CDKAL1: variants seen among roughly 807,000 people sequenced by gnomAD.
CDKAL1 encodes the protein CDKAL1 threonylcarbamoyladenosine tRNA methylthiotransferase.
A neutral mutation model predicts 68.2 loss-of-function variants in CDKAL1; 32 were observed. That is an observed-to-expected ratio of 0.47 (90% CI 0.35 to 0.63). The LOEUF (loss-of-function observed/expected upper bound fraction) is 0.63, where lower values mean the gene tolerates loss of function less well. CDKAL1 is among the 30% of genes least tolerant of loss of function. CDKAL1 has a pLI of 0.00. For missense variants in CDKAL1, 606 were observed against 696.7 expected (o/e 0.87, Z 1.47); for synonymous variants, 234 against 244.3 (o/e 0.96, Z 0.39).
At chr6:20,664,981 C>T (rs1395351274) in intron 5 of CDKAL1, among the ~76,000 whole-genome samples, 1 of 151,984 alleles carries the variant, frequency 6.6e-6, no homozygotes, top group Non-Finnish European at 1.5e-5. Context: ...TTTGAACAAC[C>T]GTGGGAGCCT....
rs190377212 is a variant in CDKAL1 at position 21,207,193 on chromosome 6, G to A, written c.1548+5919G>A. 1.9e-4 allele frequency among the ~76,000 whole-genome samples: 29 copies of A among 151,244 alleles called. No homozygotes were observed. The East Asian group carries it at 1.9e-3, about 10-fold the overall frequency. ...CTTCCAAAGTGCAGGGATTAGAGGC[G>A]TGAGGCACCACACCCGGCCTACTTT... On this transcript the variant is annotated intron_variant, in intron 15 of 15. Coordinates refer to ENST00000274695, the MANE Select transcript of CDKAL1 (RefSeq NM_017774.3).
At chr6:20,857,852 G>T (rs1473398985) in intron 9 of CDKAL1, among the ~76,000 whole-genome samples, 1 of 152,104 alleles carries the variant, frequency 6.6e-6, no homozygotes, top group African/African-American at 2.4e-5. Flanking sequence ...CCTTTCTTCA[G>T]ATTCTTTTTG....
intron 5 of CDKAL1, among the ~76,000 whole-genome samples, chr6:20,693,615 A>G (rs1277323262): frequency 1.3e-5 from 2 of 152,226 alleles, no homozygotes; most frequent in African/African-American, 2.4e-5. Flanking sequence ...ATATTAGCCA[A>G]TGCCTAGCAC....
intron 10 of CDKAL1, among the ~76,000 whole-genome samples, chr6:20,988,182 A>ATATGTGTGTGTG (rs3223730): frequency 7.3e-6 from 1 of 137,388 alleles, no homozygotes; most frequent in South Asian, 2.5e-4. Context: ...GAAACATAAT[A>ATATGTGTGTGTG]TGTGTGTGTG....
chr6:20,737,850 G>A (rs1037990368), intron 5 of CDKAL1, among the ~76,000 whole-genome samples: 4 of 152,268 alleles, frequency 2.6e-5, no homozygotes, highest in Admixed American at 6.5e-5. Flanking sequence ...TGCAGGTGCC[G>A]TTAAAATAGT....
intron 9 of CDKAL1, among the ~76,000 whole-genome samples, chr6:20,892,480 C>G (rs1280484430): frequency 6.6e-6 from 1 of 152,084 alleles, no homozygotes; most frequent in African/African-American, 2.4e-5. Context: ...GATTTTGCCT[C>G]AAAATCCTTG....
chr6:21,095,721 T>C (rs1339997509), intron 12 of CDKAL1, among the ~76,000 whole-genome samples: 1 of 151,892 alleles, frequency 6.6e-6, no homozygotes, highest in Non-Finnish European at 1.5e-5. Context: ...AAAAAGAAAA[T>C]CAACTGATTT....
At chr6:20,978,229 G>A (rs1304611149) in intron 10 of CDKAL1, among the ~76,000 whole-genome samples, 2 of 152,194 alleles carry the variant, frequency 1.3e-5, no homozygotes, top group Admixed American at 6.5e-5. Context: ...GGAGGGTTTT[G>A]TAAAGTCAGC....
chr6:20,824,085 G>A (rs1235668339), intron 8 of CDKAL1, among the ~76,000 whole-genome samples: 3 of 152,060 alleles, frequency 2.0e-5, no homozygotes, highest in Non-Finnish European at 4.4e-5. Context: ...CTTTCAAGTG[G>A]ATTCAAGCAT....
chr6:21,034,628 A>G (rs917713234), intron 11 of CDKAL1, among the ~76,000 whole-genome samples: 2 of 152,196 alleles, frequency 1.3e-5, no homozygotes, highest in African/African-American at 2.4e-5. Context: ...TAGCCAAAGC[A>G]CTAAGGAAAA....
chr6:20,995,412 A>G (rs986593233), intron 10 of CDKAL1, among the ~76,000 whole-genome samples: 1 of 152,200 alleles, frequency 6.6e-6, no homozygotes, highest in African/African-American at 2.4e-5. Context: ...TGTATTTCTT[A>G]TATAATGAAC....
intron 2 of CDKAL1, among the ~76,000 whole-genome samples, chr6:20,538,159 A>ATCAGTGAG (rs1763250945): frequency 6.6e-6 from 1 of 151,552 alleles, no homozygotes; most frequent in Non-Finnish European, 1.5e-5. Flanking sequence ...TCAGCTTTGT[A>ATCAGTGAG]TCAGTGAGGC....
intron 11 of CDKAL1, among the ~76,000 whole-genome samples, chr6:21,030,807 C>T (rs190172957): frequency 7.2e-5 from 11 of 152,254 alleles, no homozygotes; most frequent in African/African-American, 2.2e-4. Flanking sequence ...AAGTCAGTCT[C>T]TTATGCCAGC....
chr6:21,120,850 C>G (rs1005224662), intron 13 of CDKAL1, among the ~76,000 whole-genome samples: 1 of 152,154 alleles, frequency 6.6e-6, no homozygotes. Context: ...TAACTAGACT[C>G]TTACTGGTGG....
chr6:21,219,644 C>T (rs16884681), intron 15 of CDKAL1, among the ~76,000 whole-genome samples: 6,607 of 152,244 alleles, frequency 0.043, 377 homozygotes, highest in African/African-American at 0.14. Context: ...TCGTTTTATG[C>T]AGTTTATAGA....
At chr6:21,167,654 A>G (rs1372935690) in intron 13 of CDKAL1, among the ~76,000 whole-genome samples, 1 of 152,236 alleles carries the variant, frequency 6.6e-6, no homozygotes, top group East Asian at 1.9e-4. Context: ...TCAGATGGCT[A>G]CTGCAAAGCT....
chr6:21,205,830 CT>C (rs34849597), intron 15 of CDKAL1, among the ~76,000 whole-genome samples: 2,019 of 66,528 alleles, frequency 0.03, 7 homozygotes, highest in African/African-American at 0.058. Context: ...CGCGCCCAGC[CT>C]TTTTTTTTTT....
intron 4 of CDKAL1, among the ~76,000 whole-genome samples, chr6:20,573,007 G>A (rs974448531): frequency 6.6e-6 from 1 of 152,086 alleles, no homozygotes; most frequent in Non-Finnish European, 1.5e-5. Flanking sequence ...AACATTCATG[G>A]CAGATGTAGT....
At chr6:20,997,387 G>C (rs1767176851) in intron 10 of CDKAL1, among the ~76,000 whole-genome samples, 1 of 152,182 alleles carries the variant, frequency 6.6e-6, no homozygotes, top group Non-Finnish European at 1.5e-5. Flanking sequence ...TCTGTGTTAA[G>C]TCATGATTCT....
Sources: gnomAD v4.1 joint callset for allele counts (sites outside exome capture counted in the v4.1 genomes callset) on GRCh38, gnomAD v4.1.1 for gene constraint, MANE v1.5 for transcripts, NCBI Gene and HGNC (gene_info 2026-07-23, HGNC 2026-07-21) for gene names.